Variants in RYR2 observed in about 807,000 individuals in gnomAD.
The protein encoded by RYR2 is ryanodine receptor 2.
In RYR2, 227 loss-of-function variants were observed where a neutral mutation model predicts 601.1. The observed-to-expected ratio is 0.38, with a 90% CI of 0.34 to 0.42. The LOEUF (loss-of-function observed/expected upper bound fraction) is 0.42. Ranked by LOEUF, RYR2 falls within the 10% of genes least tolerant of loss-of-function variation. RYR2 has a pLI of 1.00. For synonymous variants in RYR2, 2,223 were observed against 2,175.1 expected, an observed-to-expected ratio of 1.02 and a Z score of -0.61; for missense variants, 4,646 against 6,156.5, an observed-to-expected ratio of 0.75 and a Z score of 8.21.
chr1:237,457,132 G>A (rs555784813), intron 16 of RYR2, among the ~76,000 whole-genome samples: 1 of 152,248 alleles, frequency 6.6e-6, no homozygotes, highest in African/African-American at 2.4e-5. Flanking sequence ...TGCAGTCTTT[G>A]CAGATGAGGG....
At chr1:237,158,596 C>T (rs1675652984) in intron 1 of RYR2, among the ~76,000 whole-genome samples, 1 of 152,134 alleles carries the variant, frequency 6.6e-6, no homozygotes, top group African/African-American at 2.4e-5. Flanking sequence ...GATTGGATCC[C>T]ACCCTTCCCA....
chr1:237,107,678 T>A (rs6703352), intron 1 of RYR2, among the ~76,000 whole-genome samples: 1 of 152,058 alleles, frequency 6.6e-6, no homozygotes, highest in Non-Finnish European at 1.5e-5. Flanking sequence ...CCGTGGAAGA[T>A]GCCTCTGAGT....
intron 56 of RYR2, 140 bp from the exon 57 acceptor site, chr1:237,666,372 A>G (rs1489803532): frequency 4.3e-6 from 3 of 694,308 alleles, no homozygotes; most frequent in Non-Finnish European, 7.5e-6. Flanking sequence ...TGTTTACAAC[A>G]TCATTTTGTA....
At chr1:237,343,766 T>C (rs2149628834) in intron 3 of RYR2, among the ~76,000 whole-genome samples, 1 of 152,100 alleles carries the variant, frequency 6.6e-6, no homozygotes, top group East Asian at 1.9e-4. Context: ...GTACTAATGA[T>C]ACAGATATTT....
intron 1 of RYR2, among the ~76,000 whole-genome samples, chr1:237,077,826 T>A (rs1665177947): frequency 6.6e-6 from 1 of 151,836 alleles, no homozygotes; most frequent in Non-Finnish European, 1.5e-5. Flanking sequence ...AATATACATT[T>A]TTTTCAGCAC....
chr1:237,288,946 T>C (rs1290498202), intron 2 of RYR2, among the ~76,000 whole-genome samples: 1 of 152,132 alleles, frequency 6.6e-6, no homozygotes, highest in East Asian at 1.9e-4. Context: ...AGGTATGGGG[T>C]GCTTGGGGAC....
At chr1:237,169,686 A>G (rs943330535) in intron 1 of RYR2, among the ~76,000 whole-genome samples, 3 of 152,230 alleles carry the variant, frequency 2.0e-5, no homozygotes, top group Non-Finnish European at 2.9e-5. Flanking sequence ...TTCTAAATAC[A>G]TAACATACAT....
chr1:237,406,620 A>G (rs1203297955), intron 10 of RYR2, among the ~76,000 whole-genome samples: 1 of 152,020 alleles, frequency 6.6e-6, no homozygotes, highest in Non-Finnish European at 1.5e-5. Flanking sequence ...ATGCCCTAAA[A>G]ACTACCTCCT....
At chr1:237,226,861 C>T (rs1221737939) in intron 1 of RYR2, among the ~76,000 whole-genome samples, 4 of 152,088 alleles carry the variant, frequency 2.6e-5, no homozygotes, top group East Asian at 1.9e-4. Context: ...CTCCGCCTCC[C>T]GGGTTCAAGC....
At chr1:237,382,335 C>A (rs981592952) in intron 8 of RYR2, among the ~76,000 whole-genome samples, 3 of 152,074 alleles carry the variant, frequency 2.0e-5, no homozygotes, top group Non-Finnish European at 2.9e-5. Context: ...CAAAAAATTT[C>A]TTTCTTTCTT....
At chr1:237,056,671 ATT>A (rs1465576319) in intron 1 of RYR2, among the ~76,000 whole-genome samples, 6,139 of 60,654 alleles carry the variant, frequency 0.1, 83 homozygotes, top group East Asian at 0.2. Flanking sequence ...TAGAGACTGC[ATT>A]GTGAGGACTG....
intron 1 of RYR2, among the ~76,000 whole-genome samples, chr1:237,064,331 C>T (rs1663260431): frequency 6.6e-6 from 1 of 152,050 alleles, no homozygotes; most frequent in Non-Finnish European, 1.5e-5. Flanking sequence ...ATTGGTTTTA[C>T]ATTTGGTTCT....
At position 237,764,722 on chromosome 1, in the gene RYR2, C is replaced by T. The variant is rs1021529747; in HGVS notation, c.11476+3694C>T. On this transcript the variant is annotated intron_variant, in intron 84 of 104. Transcript: ENST00000366574. ...TCGGCCTCCCAAACTGCTGGGATTA[C>T]AGGCATGAGCCACCACGCCTGGCTG... Among the ~76,000 whole-genome samples the T allele has an allele frequency of 3.2e-4, 49 of 152,146 alleles. 1 individual carries two copies. The highest frequency in any genetic ancestry group is 3.1e-3 in the Admixed American group (48 of 15,280).
intron 80 of RYR2, among the ~76,000 whole-genome samples, chr1:237,744,721 A>T (rs913784729): frequency 7.3e-5 from 11 of 150,384 alleles, no homozygotes; most frequent in African/African-American, 2.4e-4. Context: ...TCTTTTTTTA[A>T]AAAAAAAAAA....
chr1:237,703,439 ATCT>A (rs1688120931), intron 66 of RYR2, among the ~76,000 whole-genome samples: 1 of 150,982 alleles, frequency 6.6e-6, no homozygotes, highest in Admixed American at 6.6e-5. Context: ...GCCTTTTCTC[ATCT>A]TGCATCTATT....
chr1:237,392,029 C>T (rs1572111318), intron 10 of RYR2, among the ~76,000 whole-genome samples: 1 of 151,940 alleles, frequency 6.6e-6, no homozygotes, highest in African/African-American at 2.4e-5. Flanking sequence ...CTTGTCTAAA[C>T]AACAACAAAA....
rs533636103 is a variant in RYR2 at position 237,470,401 on chromosome 1, A to C, written c.1708+1214A>C. ...AACCATGATCAGAGAGAGTAATTTT[A>C]AGTCACAGAGAAAAATTTGTAGAGT... On this transcript the variant is annotated intron_variant, in intron 17 of 104. Coordinates refer to ENST00000366574, the MANE Select transcript of RYR2 (RefSeq NM_001035.3). Among the ~76,000 whole-genome samples the C allele has an allele frequency of 3.3e-5, 5 of 152,338 alleles. No individual in the cohort carries two copies. The East Asian group carries it at 7.7e-4, about 23-fold the overall frequency.
chr1:237,476,846 C>G (rs73110404), intron 17 of RYR2, among the ~76,000 whole-genome samples: 5,661 of 152,264 alleles, frequency 0.037, 123 homozygotes, highest in East Asian at 0.096. Context: ...ATGCAGAAAT[C>G]ATAGCTAACT....
chr1:237,581,927 G>T (rs2148375547), intron 29 of RYR2, among the ~76,000 whole-genome samples: 1 of 152,286 alleles, frequency 6.6e-6, no homozygotes, highest in South Asian at 2.1e-4. Flanking sequence ...AATGATTCTT[G>T]TGTGGCCTTG....
Sources: gnomAD v4.1 joint callset for allele counts (sites outside exome capture counted in the v4.1 genomes callset) on GRCh38, gnomAD v4.1.1 for gene constraint, MANE v1.5 for transcripts, NCBI Gene and HGNC (gene_info 2026-07-23, HGNC 2026-07-21) for gene names.